LRRK1: variants seen among roughly 807,000 people sequenced by gnomAD.
The protein encoded by LRRK1 is leucine-rich repeat serine/threonine-protein kinase 1.
Under a neutral mutation model 209.1 loss-of-function variants are expected in LRRK1, and 113 were observed. The observed-to-expected ratio is 0.54, with a 90% CI of 0.46 to 0.63. LRRK1 has a LOEUF of 0.63. Ranked by LOEUF, LRRK1 falls within the 30% of genes least tolerant of loss-of-function variation. The pLI, the probability that LRRK1 is intolerant of heterozygous loss-of-function variation, is 0.00. For synonymous variants in LRRK1, 1,144 were observed against 1,099.7 expected, an observed-to-expected ratio of 1.04 and a Z score of -0.80; for missense variants, 2,284 against 2,632.2, an observed-to-expected ratio of 0.87 and a Z score of 2.89.
At chr15:101,068,211 A>T (rs1408647400) in intron 33 of LRRK1, among the ~76,000 whole-genome samples, 1 of 152,216 alleles carries the variant, frequency 6.6e-6, no homozygotes, top group Non-Finnish European at 1.5e-5. Context: ...TAGGTTTTCC[A>T]TTTAATATAT....
chr15:101,030,861 G>A (rs149769283), intron 20 of LRRK1, among the ~76,000 whole-genome samples: 148 of 152,178 alleles, frequency 9.7e-4, no homozygotes, highest in African/African-American at 3.3e-3. Flanking sequence ...ACCATCACCC[G>A]AACAGTATAC....
chr15:100,989,341 G>T lies in LRRK1; in HGVS notation c.705G>T (p.Leu235=). 1 of 1,614,200 alleles carries T rather than the reference G, an allele frequency of 6.2e-7. No homozygotes were observed. The highest frequency in any genetic ancestry group is 8.5e-7 in the Non-Finnish European group (1 of 1,180,030). Reference sequence around the variant, plus strand: ...ATAGTCCTGACCCCAGCAAACATCTGCTGAGAAAGTACTTCATTGAAGCCA... The same window carrying T: ...ATAGTCCTGACCCCAGCAAACATCTTCTGAGAAAGTACTTCATTGAAGCCA... ...LLDSPDPSKH[L]LRKYFIEASP... is the part of the protein sequence containing the mutation. The change falls in exon 6 of 34, where the codon CTG becomes CTT. Residue 235 remains leucine (L), a synonymous_variant. Coordinates refer to ENST00000388948, the MANE Select transcript of LRRK1 (RefSeq NM_024652.6).
intron 2 of LRRK1, among the ~76,000 whole-genome samples, chr15:100,944,034 A>G (rs911631552): frequency 2.6e-5 from 4 of 152,154 alleles, no homozygotes; most frequent in African/African-American, 9.7e-5. Context: ...TGCCTTGAAC[A>G]CAGGTCAGAG....
chr15:100,959,042 A>G (rs1035168949), intron 2 of LRRK1, among the ~76,000 whole-genome samples: 2 of 152,156 alleles, frequency 1.3e-5, no homozygotes, highest in African/African-American at 4.8e-5. Flanking sequence ...TGCTGAAGTG[A>G]CCAGACCTTA....
chr15:101,053,023 G>A lies in LRRK1; in HGVS notation c.3791G>A (p.Gly1264Asp). The A allele has an allele frequency of 2.5e-6, 4 of 1,612,960 alleles. No individual in the cohort carries two copies. Among genetic ancestry groups the A allele is most frequent in the Non-Finnish European group, 3.4e-6 (4 of 1,179,452 alleles). ...GTVIYRARYQGQPVAVKRFHI... is the reference protein window; with the variant it reads ...GTVIYRARYQDQPVAVKRFHI... ...GTCATCTACCGGGCCCGGTACCAGG[G>A]CCAGCCTGTGGCCGTCAAGCGCTTC... is the stretch of plus-strand genomic sequence containing the variant. The change falls in exon 25 of 34, where the codon GGC becomes GAC. Residue 1264 changes from glycine (G) to aspartate (D), a missense_variant. Transcript: ENST00000388948.
In LRRK1 at chr15:101,008,992, G is replaced by A. The variant is rs1404679405; in HGVS notation, c.918G>A (p.Lys306=). ...CCTGGGGCCTCATCAATCTCCGGAA[G>A]CTGAACCTCTCCGACAACCACCTGG... ...VIPWGLINLR[K]LNLSDNHLGE... is the part of the protein sequence containing the mutation. The change falls in exon 7 of 34, where the codon AAG becomes AAA. Residue 306 remains lysine (K), a synonymous_variant. Transcript: ENST00000388948. The A allele has an allele frequency of 1.2e-6, 2 of 1,614,090 alleles. No homozygotes were observed. The highest frequency in any genetic ancestry group is 2.2e-5 in the South Asian group (2 of 91,090).
At position 101,026,051 on chromosome 15, in the gene LRRK1, G is replaced by C; in HGVS notation, c.2319G>C (p.Thr773=). The C allele has an allele frequency of 6.2e-7, 1 of 1,614,242 alleles. No homozygotes were observed. Among genetic ancestry groups the C allele is most frequent in the Non-Finnish European group, 8.5e-7 (1 of 1,180,022 alleles). ...AGTTCCGTGTGGAAAGGATTGCAAC[G>C]CTGCGTGCCTATGTGCTGGCACTCT... The part of the protein sequence containing the change: ...EAKFRVERIA[T]LRAYVLALCR... The change falls in exon 17 of 34, where the codon ACG becomes ACC. Residue 773 remains threonine (T), a synonymous_variant. Transcript: ENST00000388948.
intron 3 of LRRK1, among the ~76,000 whole-genome samples, chr15:100,979,911 A>G (rs181705722): frequency 4.0e-3 from 617 of 152,360 alleles, no homozygotes; most frequent in Non-Finnish European, 6.6e-3. Flanking sequence ...CAGCAAAAAT[A>G]AAAAATAGTG....
chr15:101,065,768 C>A lies in LRRK1; in HGVS notation c.5331C>A (p.Cys1777Ter). 2 of 1,614,106 alleles carry A rather than the reference C, an allele frequency of 1.2e-6. No homozygotes were observed. Among genetic ancestry groups the A allele is most frequent in the Non-Finnish European group, 1.7e-6 (2 of 1,180,020 alleles). Residue 1777 changes from cysteine (C) to a stop codon, truncating the protein, a stop_gained, in exon 32 of 34, where the codon TGC becomes TGA. Coordinates refer to ENST00000388948, the MANE Select transcript of LRRK1 (RefSeq NM_024652.6). LOFTEE classifies it high-confidence loss of function. ...ACCAGCTGTGTGCCCGGTACTTCTG[C>A]GGGGTCCCCAGCCCCCTCAGGGACA... ...TTYQLCARYF[C>*]GVPSPLRDMF...
At chr15:100,920,729 C>A (rs1222328134) in intron 1 of LRRK1, among the ~76,000 whole-genome samples, 1 of 149,222 alleles carries the variant, frequency 6.7e-6, no homozygotes, top group East Asian at 2.0e-4. Flanking sequence ...TTCCTCCATT[C>A]TCTATATAGC....
rs1315933864 is a variant in LRRK1, at chr15:101,070,902, AC to A, written c.*2055del. ...AAAGACTAGCAACTGAGAAAAAAAA[AC>A]ATTGCAACACAAATGAGAGACAAAG... On this transcript the variant is annotated 3_prime_UTR_variant, in exon 34 of 34. Transcript: ENST00000388948. 6.6e-6 allele frequency: 1 copy of A among 152,230 alleles called. No individual in the cohort carries two copies. Among genetic ancestry groups the A allele is most frequent in the Non-Finnish European group, 1.5e-5 (1 of 68,046 alleles). The allele number at this position is 152,230 out of a possible 1,614,324, so 9.4% of individuals were successfully genotyped here.
chr15:100,989,793 G>T, intron 6 of LRRK1: 1 of 273,536 alleles, frequency 3.7e-6, no homozygotes, highest in Non-Finnish European at 6.8e-6. Flanking sequence ...GCTATAGCAG[G>T]GTGGGAGCTG....
intron 1 of LRRK1, chr15:100,920,247 C>T (rs1180352931): frequency 6.6e-6 from 1 of 152,358 alleles, no homozygotes; most frequent in East Asian, 1.9e-4. Context: ...AACACTTCCC[C>T]TGCAACAGGT....
intron 31 of LRRK1, among the ~76,000 whole-genome samples, chr15:101,063,801 A>G (rs942396962): frequency 7.9e-6 from 1 of 126,852 alleles, no homozygotes; most frequent in Non-Finnish European, 1.7e-5. Context: ...ACCCTTCTTC[A>G]GTTTCATTTA....
At chr15:101,003,023 C>T (rs997404910) in intron 6 of LRRK1, among the ~76,000 whole-genome samples, 2 of 152,232 alleles carry the variant, frequency 1.3e-5, no homozygotes, top group Non-Finnish European at 2.9e-5. Flanking sequence ...TGAGCCACTG[C>T]GCCCAGCCCT....
intron 6 of LRRK1, among the ~76,000 whole-genome samples, chr15:101,003,679 A>G (rs986259851): frequency 3.9e-5 from 6 of 152,222 alleles, no homozygotes; most frequent in African/African-American, 1.2e-4. Context: ...AAACCGCCCC[A>G]TGATTTAATT....
chr15:101,001,014 C>T (rs1330824989), intron 6 of LRRK1, among the ~76,000 whole-genome samples: 2 of 152,282 alleles, frequency 1.3e-5, no homozygotes, highest in East Asian at 3.9e-4. Flanking sequence ...TGCCTCCTTT[C>T]TCCTTAAGAG....
intron 2 of LRRK1, among the ~76,000 whole-genome samples, chr15:100,931,723 C>T (rs535551664): frequency 8.2e-4 from 125 of 152,270 alleles, no homozygotes; most frequent in African/African-American, 2.7e-3. Context: ...TCCAGTGGGC[C>T]GTCACTCCAG....
intron 2 of LRRK1, among the ~76,000 whole-genome samples, chr15:100,953,483 C>G (rs1381500301): frequency 1.4e-5 from 2 of 145,864 alleles, no homozygotes; most frequent in African/African-American, 5.1e-5. Context: ...GTATAGTATT[C>G]CATTGTGTGT....
Sources: allele counts gnomAD v4.1 joint callset (sites outside exome capture counted in the v4.1 genomes callset), GRCh38; gene constraint gnomAD v4.1.1; transcripts MANE v1.5; gene names NCBI Gene and HGNC (gene_info 2026-07-23, HGNC 2026-07-21).